The following CACNA1G variants were observed in gnomAD, a reference collection of about 807,000 sequenced individuals.
CACNA1G encodes the protein voltage-dependent T-type calcium channel subunit alpha-1G.
CACNA1G carries 67 observed loss-of-function variants against 219.4 expected under a neutral mutation model. The observed-to-expected ratio is 0.31, with a 90% CI of 0.25 to 0.37. The LOEUF (loss-of-function observed/expected upper bound fraction) is 0.37. Ranked by LOEUF, CACNA1G falls within the 10% of genes least tolerant of loss-of-function variation. The pLI is 1.00. For synonymous variants in CACNA1G, 1,296 were observed against 1,345.3 expected, an observed-to-expected ratio of 0.96 and a Z score of 0.80; for missense variants, 2,380 against 3,231.4, an observed-to-expected ratio of 0.74 and a Z score of 6.39.
At chr17:50,604,762 G>C (rs2047585691) in intron 22 of CACNA1G, among the ~76,000 whole-genome samples, 1 of 152,234 alleles carries the variant, frequency 6.6e-6, no homozygotes, top group African/African-American at 2.4e-5. Flanking sequence ...TGGGCCCAGG[G>C]AGGAGACTTG....
rs756728670 is a variant in CACNA1G, at chr17:50,575,533, A to G, written c.1141-10A>G. ...CAGGACATTTCCTCTTCCTGTCCCC[A>G]CCCCTACAGGTGGGCTCCTTCTTCA... On this transcript the variant is annotated splice_polypyrimidine_tract_variant and intron_variant, in intron 7 of 37. Transcript: ENST00000359106. The G allele has an allele frequency of 1.3e-6, 2 of 1,599,256 alleles. No homozygotes were observed. Among genetic ancestry groups the G allele is most frequent in the Non-Finnish European group, 1.7e-6 (2 of 1,169,784 alleles).
intron 1 of CACNA1G, among the ~76,000 whole-genome samples, chr17:50,567,154 C>T (rs539501125): frequency 2.0e-5 from 3 of 152,352 alleles, no homozygotes; most frequent in South Asian, 4.1e-4. Flanking sequence ...TGCACTCCGG[C>T]TCTACTCAGA....
intron 25 of CACNA1G, among the ~76,000 whole-genome samples, chr17:50,609,447 C>T (rs185460651): frequency 3.3e-4 from 50 of 152,306 alleles, no homozygotes; most frequent in African/African-American, 1.2e-3. Flanking sequence ...GCAGTGTCCC[C>T]TGTGGCCACC....
At chr17:50,591,887 G>A (rs745478063) in intron 12 of CACNA1G, 34 bp downstream of exon 12, 1 of 1,613,706 alleles carries the variant, frequency 6.2e-7, no homozygotes, top group Non-Finnish European at 8.5e-7. Context: ...GTGGACAGGG[G>A]CCGTCAGGTG....
At chr17:50,616,251 G>T (rs772624572) in intron 27 of CACNA1G, 24 bp from the exon 28 acceptor site, 25 of 1,463,256 alleles carry the variant, frequency 1.7e-5, no homozygotes, top group Non-Finnish European at 2.3e-5. Flanking sequence ...AAGGGACCCT[G>T]CATCTTGCCC....
intron 7 of CACNA1G, among the ~76,000 whole-genome samples, chr17:50,574,448 G>A (rs564356499): frequency 3.3e-5 from 5 of 152,332 alleles, no homozygotes; most frequent in South Asian, 4.1e-4. Context: ...TTCCCCTGGT[G>A]CAGAAGAGTG....
chr17:50,625,451 T>C (rs895624420), intron 37 of CACNA1G, among the ~76,000 whole-genome samples: 1 of 152,212 alleles, frequency 6.6e-6, no homozygotes, highest in Non-Finnish European at 1.5e-5. Flanking sequence ...CACAGTCTAA[T>C]AGTGGAGACA....
At position 50,599,436 on chromosome 17, in the gene CACNA1G, C is replaced by A; in HGVS notation, c.3267C>A (p.Ala1089=). The change falls in exon 17 of 38, where the codon GCC becomes GCA. Residue 1089 remains alanine, a synonymous_variant. Coordinates refer to ENST00000359106, the MANE Select transcript of CACNA1G (RefSeq NM_018896.5). The stretch of plus-strand genomic sequence containing the variant: ...CCCCTGCTCACCCACAGCCCAGCGC[C>A]CGCAGCTCTCCGCACAGCCCCTGGA... ...AAHEMKSPPS[A]RSSPHSPWSA... 1 of 1,548,004 alleles carries A rather than the reference C, an allele frequency of 6.5e-7. No homozygotes were observed. The highest frequency in any genetic ancestry group is 8.7e-7 in the Non-Finnish European group (1 of 1,146,690).
chr17:50,590,699 C>A, intron 10 of CACNA1G, 77 bp downstream of exon 10: 1 of 1,422,114 alleles, frequency 7.0e-7, no homozygotes, highest in Non-Finnish European at 9.7e-7. Flanking sequence ...GCCATGCCAC[C>A]TATTCCCCTG....
intron 9 of CACNA1G, among the ~76,000 whole-genome samples, chr17:50,589,926 G>A (rs796171484): frequency 6.6e-6 from 1 of 151,046 alleles, no homozygotes; most frequent in Non-Finnish European, 1.5e-5. Flanking sequence ...GTGTGTGTGT[G>A]TGTGTGTGTG....
chr17:50,621,577 TGAGA>T lies in CACNA1G; in HGVS notation c.5926-77_5926-74del. 4.7e-6 allele frequency: 7 copies of T among 1,481,140 alleles called. No individual in the cohort carries two copies. The highest frequency in any genetic ancestry group is 2.4e-5 in the South Asian group (2 of 82,164). The allele number at this position is 1,481,140 out of a possible 1,614,324, so 91.7% of individuals were successfully genotyped here. On this transcript the variant is annotated intron_variant, in intron 34 of 37. Transcript: ENST00000359106. This position sits in a 1 kb window ranked among gnomAD's most constrained non-coding sequence, Gnocchi z 4.6. ...TTCGTGAAAAGGGGGAAGTGGGGAC[TGAGA>T]GAGAGCGCGTGTGTGCGTGTGCACG...
intron 25 of CACNA1G, among the ~76,000 whole-genome samples, chr17:50,608,703 C>T (rs560259666): frequency 2.0e-5 from 3 of 152,284 alleles, no homozygotes; most frequent in Non-Finnish European, 2.9e-5. Flanking sequence ...GTGGGTGAAG[C>T]CCCCATCCGT....
At chr17:50,592,165 T>G (rs2145516093) in intron 13 of CACNA1G, 73 bp downstream of exon 13, 1 of 1,490,750 alleles carries the variant, frequency 6.7e-7, no homozygotes, top group African/African-American at 1.4e-5. Flanking sequence ...GTCTTGAGCC[T>G]CCTCCCTCTG....
intron 1 of CACNA1G, among the ~76,000 whole-genome samples, chr17:50,566,490 C>T (rs1261633904): frequency 6.6e-6 from 1 of 152,182 alleles, no homozygotes. Context: ...TGATCAAGAG[C>T]TGTGCATGAG....
chr17:50,562,308 C>G (rs1334415187), intron 1 of CACNA1G, among the ~76,000 whole-genome samples: 1 of 152,104 alleles, frequency 6.6e-6, no homozygotes, highest in Non-Finnish European at 1.5e-5. Flanking sequence ...GGGCGGGGAC[C>G]AGGTCCTGGC....
chr17:50,582,412 A>G (rs779684563), intron 9 of CACNA1G, among the ~76,000 whole-genome samples: 15 of 152,152 alleles, frequency 9.9e-5, no homozygotes, highest in Admixed American at 5.9e-4. Flanking sequence ...GCAGGACCCA[A>G]TCAGTTGGAA....
intron 9 of CACNA1G, among the ~76,000 whole-genome samples, chr17:50,581,765 G>A (rs528002308): frequency 3.3e-5 from 5 of 152,358 alleles, no homozygotes; most frequent in Admixed American, 2.0e-4. Flanking sequence ...ACCTGATGTC[G>A]AAGTGTGATC....
rs1466611628 is a variant in CACNA1G, at chr17:50,561,071, C to T, written c.-389C>T. The T allele has an allele frequency of 2.7e-5, 11 of 406,538 alleles. No homozygotes were observed. The highest frequency in any genetic ancestry group is 5.3e-5 in the Non-Finnish European group (11 of 207,946). 25.2% of individuals were successfully genotyped at this position (406,538 alleles called of 1,614,324 possible). A position where few individuals can be genotyped will look rare whatever the true frequency, so the allele number is the denominator to read the frequency against. On this transcript the variant is annotated 5_prime_UTR_variant, in exon 1 of 38. Coordinates refer to ENST00000359106, the MANE Select transcript of CACNA1G (RefSeq NM_018896.5). Reference sequence around the variant, plus strand: ...GGGGGCGCCCCTCCCCGGACCCCCGCCCTCCGCCGCTGCCCCCCTTTTCGT... The same window carrying T: ...GGGGGCGCCCCTCCCCGGACCCCCGTCCTCCGCCGCTGCCCCCCTTTTCGT...
At chr17:50,613,915 G>T (rs1036985176) in intron 26 of CACNA1G, among the ~76,000 whole-genome samples, 1 of 152,106 alleles carries the variant, frequency 6.6e-6, no homozygotes, top group Non-Finnish European at 1.5e-5. Flanking sequence ...CACTCTTGGG[G>T]CTCTGTTCTC....
Sources: allele counts gnomAD v4.1 joint callset (sites outside exome capture counted in the v4.1 genomes callset), GRCh38; gene constraint gnomAD v4.1.1; non-coding constraint Gnocchi (gnomAD v3.1); transcripts MANE v1.5; gene names NCBI Gene and HGNC (gene_info 2026-07-23, HGNC 2026-07-21).